The following NEK1 variants were observed in gnomAD, a reference collection of about 807,000 sequenced individuals.
NEK1 encodes NIMA related kinase 1.
Under a neutral mutation model 182.1 loss-of-function variants are expected in NEK1, and 137 were observed. The ratio of observed to expected loss-of-function variants is 0.75; its 90% confidence interval spans 0.65 to 0.87. NEK1 has a LOEUF of 0.87. Among genes scored for constraint, NEK1 ranks in the 40% least tolerant of loss-of-function variants. NEK1 has a pLI of 0.00. For synonymous variants in NEK1, 513 were observed against 492.2 expected (o/e 1.04, Z -0.56); for missense variants, 1,391 against 1,494.4 (o/e 0.93, Z 1.14).
chr4:169,563,312 G>A (rs905174969), intron 12 of NEK1, among the ~76,000 whole-genome samples: 1 of 151,684 alleles, frequency 6.6e-6, no homozygotes, highest in Non-Finnish European at 1.5e-5. Flanking sequence ...CATGAGCCAT[G>A]ATCACATCAC....
chr4:169,604,187 A>G (rs1286996233), intron 2 of NEK1, among the ~76,000 whole-genome samples: 1 of 152,180 alleles, frequency 6.6e-6, no homozygotes, highest in East Asian at 1.9e-4. Flanking sequence ...ATATAAACAA[A>G]TGTATTAATC....
intron 26 of NEK1, among the ~76,000 whole-genome samples, chr4:169,470,610 C>CTA (rs1745777943): frequency 2.0e-5 from 3 of 152,156 alleles, no homozygotes; most frequent in African/African-American, 7.2e-5. Context: ...GGTTGCTCTT[C>CTA]GCAAGGAGTA....
chr4:169,471,407 C>T (rs1188818672), intron 26 of NEK1, among the ~76,000 whole-genome samples: 5 of 152,172 alleles, frequency 3.3e-5, no homozygotes, highest in Non-Finnish European at 7.3e-5. Flanking sequence ...CTGGAATTTA[C>T]TGAAGTTCCA....
chr4:169,413,729 A>G (rs1289261659), intron 31 of NEK1, among the ~76,000 whole-genome samples: 1 of 152,190 alleles, frequency 6.6e-6, no homozygotes, highest in African/African-American at 2.4e-5. Flanking sequence ...AGACAACAGT[A>G]TTAATGGCCA....
intron 31 of NEK1, among the ~76,000 whole-genome samples, chr4:169,424,313 G>A (rs1224190111): frequency 6.6e-6 from 1 of 152,054 alleles, no homozygotes; most frequent in Non-Finnish European, 1.5e-5. Context: ...TATATAAAGG[G>A]ACTTTTTGCT....
chr4:169,454,408 G>A (rs961003658), intron 27 of NEK1, among the ~76,000 whole-genome samples: 1 of 152,062 alleles, frequency 6.6e-6, no homozygotes, highest in African/African-American at 2.4e-5. Flanking sequence ...TACAGAATGG[G>A]AGAAAACTTC....
chr4:169,397,156 G>A (rs1030271964), intron 35 of NEK1, among the ~76,000 whole-genome samples: 42 of 151,964 alleles, frequency 2.8e-4, no homozygotes, highest in African/African-American at 9.2e-4. Flanking sequence ...CCCAGGAGGC[G>A]GAGGTTGCAG....
At chr4:169,543,138 T>C (rs908231565) in intron 18 of NEK1, among the ~76,000 whole-genome samples, 19 of 152,200 alleles carry the variant, frequency 1.2e-4, no homozygotes, top group Non-Finnish European at 2.4e-4. Context: ...GTTTAAATCT[T>C]TAATCCATCT....
intron 27 of NEK1, among the ~76,000 whole-genome samples, chr4:169,455,174 T>C (rs11731553): frequency 0.088 from 13,348 of 151,994 alleles, 758 homozygotes; most frequent in African/African-American, 0.16. Flanking sequence ...CTGGGGCATG[T>C]TGGGGGGTTG....
At chr4:169,507,015 A>G in intron 23 of NEK1, 22 bp downstream of exon 23, 1 of 1,524,198 alleles carries the variant, frequency 6.6e-7, no homozygotes, top group Non-Finnish European at 9.0e-7. Flanking sequence ...AACCAGGATT[A>G]AGAATATGAG....
chr4:169,569,752 C>G (rs1366187805), intron 12 of NEK1, among the ~76,000 whole-genome samples: 1 of 150,978 alleles, frequency 6.6e-6, no homozygotes, highest in East Asian at 1.9e-4. Context: ...CCTCGGCCTC[C>G]CGAGGTGCCG....
At chr4:169,610,169 T>C (rs574544855) in intron 2 of NEK1, among the ~76,000 whole-genome samples, 1 of 152,020 alleles carries the variant, frequency 6.6e-6, no homozygotes, top group Non-Finnish European at 1.5e-5. Flanking sequence ...ACCCAGCTAA[T>C]TTTTGTATTT....
chr4:169,580,575 C>T (rs887414208), intron 11 of NEK1, among the ~76,000 whole-genome samples: 4 of 148,998 alleles, frequency 2.7e-5, no homozygotes, highest in African/African-American at 5.0e-5. Flanking sequence ...TCTATAACAA[C>T]GTTCTCAAAA....
intron 23 of NEK1, among the ~76,000 whole-genome samples, chr4:169,488,678 A>G (rs970468764): frequency 2.0e-5 from 3 of 152,192 alleles, no homozygotes; most frequent in Admixed American, 6.6e-5. Flanking sequence ...ACATACTGCC[A>G]AACTTTACAT....
chr4:169,521,525 C>T (rs1425258309), intron 19 of NEK1, among the ~76,000 whole-genome samples: 2 of 152,148 alleles, frequency 1.3e-5, no homozygotes, highest in Non-Finnish European at 2.9e-5. Flanking sequence ...CATCTTGGTT[C>T]CTCCCCCTGC....
chr4:169,508,430 T>G, intron 20 of NEK1, 99 bp from the exon 21 acceptor site: 1 of 915,628 alleles, frequency 1.1e-6, no homozygotes, highest in South Asian at 2.0e-5. Flanking sequence ...AGTGTTAATT[T>G]GAACACAAGA....
In NEK1 at chr4:169,612,216, C is replaced by G. The variant is rs1049533552; in HGVS notation, c.-173+6G>C. On this transcript the variant is annotated splice_donor_region_variant and intron_variant, in intron 1 of 35. Transcript: ENST00000507142. ...GACTGAAAGGGGGCACTGAGACTCTCCACACCTGACACTCGTCTTCAGTTG... is the reference window on the plus strand; with the variant it reads ...GACTGAAAGGGGGCACTGAGACTCTGCACACCTGACACTCGTCTTCAGTTG... The G allele has an allele frequency of 6.6e-6, 1 of 152,390 alleles. No homozygotes were observed. Among genetic ancestry groups the G allele is most frequent in the East Asian group, 1.9e-4 (1 of 5,206 alleles). The allele number at this position is 152,390 out of a possible 1,614,324, so 9.4% of individuals were successfully genotyped here.
At chr4:169,539,614 T>C (rs1024733509) in intron 18 of NEK1, among the ~76,000 whole-genome samples, 2 of 152,136 alleles carry the variant, frequency 1.3e-5, no homozygotes, top group Non-Finnish European at 2.9e-5. Context: ...GTTTCCTGCA[T>C]ATATCAAGGT....
chr4:169,555,629 G>C, intron 18 of NEK1, 91 bp downstream of exon 18: 1 of 1,531,180 alleles, frequency 6.5e-7, no homozygotes, highest in Non-Finnish European at 9.0e-7. Flanking sequence ...GAACAATGGA[G>C]AAAACATCCA....
Sources: gnomAD v4.1 joint callset for allele counts (sites outside exome capture counted in the v4.1 genomes callset) on GRCh38, gnomAD v4.1.1 for gene constraint, MANE v1.5 for transcripts, NCBI Gene and HGNC (gene_info 2026-07-23, HGNC 2026-07-21) for gene names.